The following CCDC158 variants were observed in gnomAD, a reference collection of about 807,000 sequenced individuals.
The protein encoded by CCDC158 is coiled-coil domain-containing protein 158.
Under a neutral mutation model 138.6 loss-of-function variants are expected in CCDC158, and 116 were observed. That is an observed-to-expected ratio of 0.84 (90% CI 0.72 to 0.98). The LOEUF is 0.98. Among genes scored for constraint, CCDC158 ranks in the 50% least tolerant of loss-of-function variants. The pLI is 0.00. For missense variants in CCDC158, 1,265 were observed against 1,306.1 expected (o/e 0.97, Z 0.48); for synonymous variants, 436 against 442.4 (o/e 0.99, Z 0.18).
intron 13 of CCDC158, among the ~76,000 whole-genome samples, chr4:76,360,483 G>A (rs1724026811): frequency 6.6e-6 from 1 of 152,228 alleles, no homozygotes; most frequent in Admixed American, 6.5e-5. Flanking sequence ...CATGAAAGCA[G>A]CCATGGGGGC....
At chr4:76,360,911 G>A (rs965620940) in intron 13 of CCDC158, among the ~76,000 whole-genome samples, 2 of 152,134 alleles carry the variant, frequency 1.3e-5, no homozygotes, top group African/African-American at 4.8e-5. Flanking sequence ...GATTTGGGAC[G>A]GCCCAGGGGC....
chr4:76,392,912 T>C (rs1318541385), intron 4 of CCDC158, among the ~76,000 whole-genome samples: 1 of 151,568 alleles, frequency 6.6e-6, no homozygotes, highest in African/African-American at 2.4e-5. Flanking sequence ...AATGAAATAC[T>C]AGGAATTAAC....
At chr4:76,373,613 A>G (rs1461196646) in intron 9 of CCDC158, among the ~76,000 whole-genome samples, 1 of 152,202 alleles carries the variant, frequency 6.6e-6, no homozygotes, top group East Asian at 1.9e-4. Flanking sequence ...TATTATCTAT[A>G]CATACATACA....
intron 13 of CCDC158, among the ~76,000 whole-genome samples, chr4:76,361,106 C>G (rs140075706): frequency 6.2e-4 from 95 of 152,236 alleles, no homozygotes; most frequent in African/African-American, 2.2e-3. Flanking sequence ...AGCACCTCCC[C>G]CTTTGTGTGC....
intron 1 of CCDC158, among the ~76,000 whole-genome samples, chr4:76,414,710 A>T (rs1290041220): frequency 1.3e-5 from 2 of 152,176 alleles, no homozygotes; most frequent in Non-Finnish European, 2.9e-5. Context: ...ATGGGGTTGT[A>T]AGGGTTTTCC....
chr4:76,347,974 A>C (rs924302155), intron 18 of CCDC158, among the ~76,000 whole-genome samples: 15 of 152,262 alleles, frequency 9.9e-5, no homozygotes, highest in African/African-American at 2.6e-4. Context: ...ATTTATCAAC[A>C]ACAGAAATTT....
chr4:76,403,920 G>T (rs1728609507), intron 2 of CCDC158, among the ~76,000 whole-genome samples: 1 of 152,124 alleles, frequency 6.6e-6, no homozygotes, highest in East Asian at 1.9e-4. Context: ...GAAGAGGTAA[G>T]CAGAAGACAG....
chr4:76,381,882 C>T (rs909061322), intron 8 of CCDC158, among the ~76,000 whole-genome samples: 14 of 151,990 alleles, frequency 9.2e-5, no homozygotes, highest in African/African-American at 1.7e-4. Flanking sequence ...AGGGTTTCAC[C>T]GTGTTAGCCA....
intron 15 of CCDC158, among the ~76,000 whole-genome samples, chr4:76,354,948 A>G (rs1723402758): frequency 6.6e-6 from 1 of 152,180 alleles, no homozygotes; most frequent in African/African-American, 2.4e-5. Context: ...ATGTGTCACT[A>G]ATAAAATTTG....
At chr4:76,347,344 T>C (rs1722657079) in intron 18 of CCDC158, among the ~76,000 whole-genome samples, 1 of 152,140 alleles carries the variant, frequency 6.6e-6, no homozygotes, top group African/African-American at 2.4e-5. Context: ...TCCAGGCACA[T>C]GGCACATACA....
intron 23 of CCDC158, among the ~76,000 whole-genome samples, chr4:76,324,158 CAG>C (rs1425316027): frequency 6.6e-6 from 1 of 151,566 alleles, no homozygotes; most frequent in Non-Finnish European, 1.5e-5. Flanking sequence ...GGAATTACTC[CAG>C]TTTAAGAGAA....
chr4:76,410,547 T>G (rs1729215540), intron 2 of CCDC158, among the ~76,000 whole-genome samples: 1 of 152,186 alleles, frequency 6.6e-6, no homozygotes, highest in Non-Finnish European at 1.5e-5. Context: ...ATTCCTGGAT[T>G]CTTCAACTGA....
intron 9 of CCDC158, among the ~76,000 whole-genome samples, chr4:76,377,354 A>G (rs1276950416): frequency 6.6e-6 from 1 of 152,210 alleles, no homozygotes; most frequent in Non-Finnish European, 1.5e-5. Flanking sequence ...TCTTTCCAAA[A>G]TGATTTGTGA....
chr4:76,328,774 G>A (rs1042399924), intron 22 of CCDC158, 126 bp downstream of exon 22: 8 of 711,664 alleles, frequency 1.1e-5, no homozygotes, highest in Non-Finnish European at 1.8e-5. Flanking sequence ...GAAAGAGGGA[G>A]TAGCAGGAAA....
intron 4 of CCDC158, among the ~76,000 whole-genome samples, chr4:76,389,897 C>T (rs1727157213): frequency 6.6e-6 from 1 of 152,098 alleles, no homozygotes; most frequent in Non-Finnish European, 1.5e-5. Context: ...AAAATAAACA[C>T]TTTTCTAGAA....
chr4:76,397,057 TC>T (rs143375523), intron 3 of CCDC158, among the ~76,000 whole-genome samples: 1,748 of 152,236 alleles, frequency 0.011, 29 homozygotes, highest in African/African-American at 0.04. Flanking sequence ...TAATTTGTGA[TC>T]GGGGGCAAAC....
At chr4:76,374,731 C>T (rs1225368892) in intron 9 of CCDC158, among the ~76,000 whole-genome samples, 3 of 151,916 alleles carry the variant, frequency 2.0e-5, no homozygotes, top group African/African-American at 7.3e-5. Context: ...CATTTCTATC[C>T]TTGAGCAAAG....
intron 24 of CCDC158, among the ~76,000 whole-genome samples, chr4:76,314,104 G>A (rs747672733): frequency 3.9e-5 from 6 of 152,084 alleles, no homozygotes; most frequent in East Asian, 1.9e-4. Context: ...GGGTCAAAGC[G>A]TAAATGCACT....
chr4:76,381,989 T>C (rs1382205683), intron 8 of CCDC158, among the ~76,000 whole-genome samples: 3 of 152,236 alleles, frequency 2.0e-5, no homozygotes, highest in Non-Finnish European at 4.4e-5. Flanking sequence ...CCAATAATTG[T>C]ATTTTAAAAT....
Sources: allele counts gnomAD v4.1 joint callset (sites outside exome capture counted in the v4.1 genomes callset), GRCh38; gene constraint gnomAD v4.1.1; transcripts MANE v1.5; gene names NCBI Gene and HGNC (gene_info 2026-07-23, HGNC 2026-07-21).